PRKAA2: variants seen among roughly 807,000 people sequenced by gnomAD.
The protein encoded by PRKAA2 is protein kinase AMP-activated catalytic subunit alpha 2.
In PRKAA2, 40 loss-of-function variants were observed where a neutral mutation model predicts 56.3. That is an observed-to-expected ratio of 0.71 (90% CI 0.55 to 0.92). The LOEUF is 0.92. PRKAA2 is among the 40% of genes least tolerant of loss of function. The probability of loss-of-function intolerance (pLI) is 0.00; values close to 1 mark genes in which losing one functional copy is unlikely to be tolerated. For synonymous variants in PRKAA2, 214 were observed against 234.2 expected (o/e 0.91, Z 0.79); for missense variants, 542 against 686.9 (o/e 0.79, Z 2.36).
chr1:56,671,542 CTTTG>C (rs1644077013), intron 1 of PRKAA2: 2 of 152,170 alleles, frequency 1.3e-5, no homozygotes, highest in South Asian at 2.1e-4. Flanking sequence ...ATATGTCTCA[CTTTG>C]TTTGTTTTAT....
chr1:56,693,954 G>A (rs1350208763), intron 5 of PRKAA2, 102 bp downstream of exon 5: 3 of 741,286 alleles, frequency 4.0e-6, no homozygotes, highest in Non-Finnish European at 6.3e-6. Flanking sequence ...TAACATGGTA[G>A]AAATGGATTA....
chr1:56,652,308 G>T (rs1400456359), intron 1 of PRKAA2, among the ~76,000 whole-genome samples: 1 of 151,964 alleles, frequency 6.6e-6, no homozygotes, highest in Non-Finnish European at 1.5e-5. Context: ...ATTGCGCCCG[G>T]CCTCACCCGG....
chr1:56,698,892 T>C (rs1644275859), intron 6 of PRKAA2, among the ~76,000 whole-genome samples: 1 of 152,202 alleles, frequency 6.6e-6, no homozygotes, highest in Non-Finnish European at 1.5e-5. Flanking sequence ...ATAGATATTA[T>C]CTTCATGGAA....
At chr1:56,645,520 G>A in intron 1 of PRKAA2, 39 bp downstream of exon 1, 1 of 1,436,052 alleles carries the variant, frequency 7.0e-7, no homozygotes, top group Non-Finnish European at 9.2e-7. Context: ...GGGGCTGCCT[G>A]ACTTGCGGGA....
At position 56,667,507 on chromosome 1, in the gene PRKAA2, A is replaced by C. The variant is rs1235089292; in HGVS notation, c.95-6874A>C. Among the ~76,000 whole-genome samples the C allele has an allele frequency of 2.0e-5, 3 of 152,174 alleles. No individual in the cohort carries two copies. In the East Asian group the frequency reaches 5.8e-4, roughly 29 times the overall value. On this transcript the variant is annotated intron_variant, in intron 1 of 8. Transcript: ENST00000371244. The stretch of plus-strand genomic sequence containing the variant: ...GCATTATTTCATATATTATGAGTTA[A>C]ATCTTTCGTTGGGTAACCACAGATT...
At chr1:56,654,199 T>G (rs77410180) in intron 1 of PRKAA2, among the ~76,000 whole-genome samples, 2,171 of 152,274 alleles carry the variant, frequency 0.014, 16 homozygotes, top group Non-Finnish European at 0.019. Context: ...CTCAGTTCCA[T>G]GAGCTTTCTC....
At chr1:56,680,618 C>T (rs1481941491) in intron 2 of PRKAA2, among the ~76,000 whole-genome samples, 1 of 152,048 alleles carries the variant, frequency 6.6e-6, no homozygotes, top group African/African-American at 2.4e-5. Flanking sequence ...GTTTGGTTTT[C>T]TGTCCTTGTG....
At chr1:56,706,288 C>T in intron 8 of PRKAA2, 70 bp downstream of exon 8, 3 of 1,552,050 alleles carry the variant, frequency 1.9e-6, no homozygotes, top group Non-Finnish European at 2.6e-6. Context: ...ATGTTAAAAT[C>T]ATCTCGAAGA....
chr1:56,707,523 G>T lies in PRKAA2; in HGVS notation c.1469G>T (p.Cys490Phe), dbSNP rs199623319. ...GGTTCCTCAACACCTCAGCGTTCCT[G>T]TTCTGCTGCTGGCTTACACAGACCA... is the stretch of plus-strand genomic sequence containing the variant. ...RSGSSTPQRS[C>F]SAAGLHRPRS... The change falls in exon 9 of 9, where the codon TGT becomes TTT. Residue 490 changes from cysteine (C) to phenylalanine (F), a missense_variant. Coordinates refer to ENST00000371244, the MANE Select transcript of PRKAA2 (RefSeq NM_006252.4). The T allele has an allele frequency of 2.0e-5, 33 of 1,614,162 alleles. No homozygotes were observed. The South Asian group carries it at 3.5e-4, about 17-fold the overall frequency.
chr1:56,709,305 A>C lies in PRKAA2; in HGVS notation c.*1592A>C, dbSNP rs889831490. The C allele has an allele frequency of 3.9e-5, 6 of 152,140 alleles. No individual in the cohort carries two copies. The highest frequency in any genetic ancestry group is 1.4e-4 in the African/African-American group (6 of 41,434). 9.4% of individuals were successfully genotyped at this position (152,140 alleles called of 1,614,324 possible). ...ATCTTTAAATATTCTTTGAATCAGG[A>C]GTTTGCGTTGTGTCACATCATATGG... On this transcript the variant is annotated 3_prime_UTR_variant, in exon 9 of 9. Transcript: ENST00000371244.
chr1:56,681,152 C>T (rs1644152299), intron 2 of PRKAA2, among the ~76,000 whole-genome samples: 1 of 152,192 alleles, frequency 6.6e-6, no homozygotes. Flanking sequence ...GCGTAAATGT[C>T]TTCTTTTGAG....
At chr1:56,705,472 T>G (rs1171244138) in intron 7 of PRKAA2, among the ~76,000 whole-genome samples, 6 of 152,052 alleles carry the variant, frequency 3.9e-5, no homozygotes, top group Non-Finnish European at 7.4e-5. Flanking sequence ...TGGCGCGATC[T>G]TGGCTCACTG....
Position 56,695,683 on chromosome 1 carries a change from G to A in PRKAA2, c.564-252G>A, listed in dbSNP as rs142516878. ...CAGAAAGTATTATATGTTTTAATTC[G>A]TATGTTTCAGTTAAATGAATTTGTG... is the stretch of plus-strand genomic sequence containing the variant. On this transcript the variant is annotated intron_variant, in intron 5 of 8. Transcript: ENST00000371244. 1.0e-3 allele frequency among the ~76,000 whole-genome samples: 158 copies of A among 151,850 alleles called. 4 individuals carry two copies. The East Asian group carries it at 0.028, about 27-fold the overall frequency.
At chr1:56,661,184 C>A (rs1301697923) in intron 1 of PRKAA2, among the ~76,000 whole-genome samples, 1 of 152,114 alleles carries the variant, frequency 6.6e-6, no homozygotes, top group Non-Finnish European at 1.5e-5. Flanking sequence ...TATATAGTGT[C>A]CTCCAAATGT....
rs754423003 is a variant in PRKAA2 at position 56,712,760 on chromosome 1, G to A, written c.*5047G>A. The A allele has an allele frequency of 3.8e-4, 58 of 152,032 alleles. No individual in the cohort carries two copies. Among genetic ancestry groups the A allele is most frequent in the Non-Finnish European group, 6.3e-4 (43 of 68,024 alleles). The allele number at this position is 152,032 out of a possible 1,614,324, so 9.4% of individuals were successfully genotyped here. On this transcript the variant is annotated 3_prime_UTR_variant, in exon 9 of 9. Transcript: ENST00000371244. Reference sequence around the variant, plus strand: ...CCAGCTACTCGGGAGGCTGAGGCACGGGAATCTCTTGAACCTGGGAGGCAG... The same window carrying A: ...CCAGCTACTCGGGAGGCTGAGGCACAGGAATCTCTTGAACCTGGGAGGCAG...
intron 6 of PRKAA2, among the ~76,000 whole-genome samples, chr1:56,701,077 C>T (rs548931279): frequency 5.9e-5 from 9 of 152,038 alleles, no homozygotes; most frequent in South Asian, 2.1e-4. Context: ...GGTTAATTTC[C>T]GGTGTTCTGA....
At chr1:56,684,915 A>T (rs1644180590) in intron 2 of PRKAA2, among the ~76,000 whole-genome samples, 1 of 152,124 alleles carries the variant, frequency 6.6e-6, no homozygotes, top group Admixed American at 6.6e-5. Flanking sequence ...TGCCAAAAGG[A>T]GTGATTCAGT....
intron 3 of PRKAA2, among the ~76,000 whole-genome samples, chr1:56,691,799 T>TA (rs1644230033): frequency 6.6e-6 from 1 of 152,168 alleles, no homozygotes; most frequent in South Asian, 2.1e-4. Flanking sequence ...TTTAGTTTGT[T>TA]TTACTGTCAA....
At chr1:56,695,355 TA>T (rs1644252614) in intron 5 of PRKAA2, among the ~76,000 whole-genome samples, 1 of 151,634 alleles carries the variant, frequency 6.6e-6, no homozygotes, top group Non-Finnish European at 1.5e-5. Flanking sequence ...CATCCCTGGC[TA>T]TTTTTTGTAT....
Sources: gnomAD v4.1 joint callset for allele counts (sites outside exome capture counted in the v4.1 genomes callset) on GRCh38, gnomAD v4.1.1 for gene constraint, MANE v1.5 for transcripts, NCBI Gene and HGNC (gene_info 2026-07-23, HGNC 2026-07-21) for gene names.